NDST4: variants seen among roughly 807,000 people sequenced by gnomAD.
NDST4 encodes N-deacetylase and N-sulfotransferase 4, also known as N-heparan sulfate sulfotransferase 4.
In NDST4, 63 loss-of-function variants were observed where a neutral mutation model predicts 100.8. The observed-to-expected ratio is 0.62, with a 90% CI of 0.51 to 0.77. The LOEUF (loss-of-function observed/expected upper bound fraction) is 0.77. Ranked by LOEUF, NDST4 falls within the 30% of genes least tolerant of loss-of-function variation. The pLI is 0.00. For synonymous variants in NDST4, 377 were observed against 361.8 expected (o/e 1.04, Z -0.48); for missense variants, 943 against 1,018.4 (o/e 0.93, Z 1.01).
intron 2 of NDST4, among the ~76,000 whole-genome samples, chr4:114,986,832 A>ATATATATATATATATTTTTTT: frequency 3.1e-4 from 29 of 94,652 alleles, no homozygotes; most frequent in South Asian, 8.6e-4. Context: ...ATATATATAT[A>ATATATATATATATATTTTTTT]TTTTAATATA....
At chr4:115,069,284 GGATA>G (rs1231879790) in intron 2 of NDST4, among the ~76,000 whole-genome samples, 1 of 151,918 alleles carries the variant, frequency 6.6e-6, no homozygotes, top group African/African-American at 2.4e-5. Context: ...GAATTGGGAA[GGATA>G]GATATTGAAA....
chr4:115,046,929 G>A (rs1728474901), intron 2 of NDST4, among the ~76,000 whole-genome samples: 1 of 151,418 alleles, frequency 6.6e-6, no homozygotes, highest in Non-Finnish European at 1.5e-5. Flanking sequence ...TAAATATATT[G>A]CAGATAGCCT....
At position 115,076,878 on chromosome 4, in the gene NDST4, A is replaced by C; in HGVS notation, c.159T>G (p.Thr53=). Residue 53 remains threonine (T), a synonymous_variant, in exon 2 of 14, where the codon ACT becomes ACG. Transcript: ENST00000264363. ...LIETTAEAEC[T]DIKILPYRSM... Reference sequence around the variant, plus strand: ...ACCTATATGGTAGAATTTTGATGTCAGTGCATTCTGCTTCTGCAGTGGTTT... The same window carrying C: ...ACCTATATGGTAGAATTTTGATGTCCGTGCATTCTGCTTCTGCAGTGGTTT... The C allele has an allele frequency of 6.2e-7, 1 of 1,613,860 alleles. No individual in the cohort carries two copies. Among genetic ancestry groups the C allele is most frequent in the South Asian group, 1.1e-5 (1 of 91,082 alleles).
At position 115,076,254 on chromosome 4, in the gene NDST4, C is replaced by A; in HGVS notation, c.783G>T (p.Gly261=). 6.2e-7 allele frequency: 1 copy of A among 1,613,960 alleles called. No individual in the cohort carries two copies. Among genetic ancestry groups the A allele is most frequent in the Non-Finnish European group, 8.5e-7 (1 of 1,179,926 alleles). The change falls in exon 2 of 14, where the codon GGG becomes GGT. Residue 261 remains glycine (G), a synonymous_variant. Coordinates refer to ENST00000264363, the MANE Select transcript of NDST4 (RefSeq NM_022569.3). ...GTACTCTCTGAATTCCATCATGAAG[C>A]CCCAGATCCTGAATCACCGTTGCAA... is the stretch of plus-strand genomic sequence containing the variant. The part of the protein sequence containing the change: ...TLFATVIQDL[G]LHDGIQRVLF...
chr4:115,063,775 T>C (rs1217993556), intron 2 of NDST4, among the ~76,000 whole-genome samples: 1 of 152,002 alleles, frequency 6.6e-6, no homozygotes, highest in Admixed American at 6.6e-5. Context: ...TAAGGACTCT[T>C]ATAAAAGATT....
chr4:115,085,561 C>T (rs1302594249), intron 1 of NDST4, among the ~76,000 whole-genome samples: 2 of 152,152 alleles, frequency 1.3e-5, no homozygotes, highest in Non-Finnish European at 2.9e-5. Flanking sequence ...AGGGTGGTTA[C>T]CCCCATGCTG....
intron 2 of NDST4, among the ~76,000 whole-genome samples, chr4:115,027,923 C>T (rs1393339292): frequency 6.6e-6 from 1 of 151,910 alleles, no homozygotes; most frequent in African/African-American, 2.4e-5. Context: ...CGTGGTGGTG[C>T]ATGCCTATAA....
At position 115,006,422 on chromosome 4, in the gene NDST4, A is replaced by T. The variant is rs544916328; in HGVS notation, c.979-29148T>A. 2.7e-3 allele frequency among the ~76,000 whole-genome samples: 414 copies of T among 152,288 alleles called. 1 individual carries two copies. Among genetic ancestry groups the T allele is most frequent in the African/African-American group, 7.9e-3 (330 of 41,576 alleles). On this transcript the variant is annotated intron_variant, in intron 2 of 13. Transcript: ENST00000264363. ...AATCCTATAACTATAAAAATAATTT[A>T]AAAAAACTGGACTTGGGAAAAAAGG...
chr4:114,993,564 T>C (rs1727096488), intron 2 of NDST4, among the ~76,000 whole-genome samples: 1 of 152,020 alleles, frequency 6.6e-6, no homozygotes, highest in African/African-American at 2.4e-5. Flanking sequence ...GGAGAATATA[T>C]GTTTTCCTTA....
intron 4 of NDST4, among the ~76,000 whole-genome samples, chr4:114,952,826 C>G (rs558520834): frequency 4.6e-4 from 70 of 151,848 alleles, no homozygotes; most frequent in Non-Finnish European, 7.7e-4. Flanking sequence ...AATCATTATG[C>G]CATTTACACA....
chr4:114,873,721 A>G (rs561497646), intron 6 of NDST4, among the ~76,000 whole-genome samples: 2 of 152,204 alleles, frequency 1.3e-5, no homozygotes, highest in South Asian at 4.2e-4. Flanking sequence ...ATTCGATCCC[A>G]ATAAGTATGC....
intron 2 of NDST4, among the ~76,000 whole-genome samples, chr4:115,017,700 T>G (rs1304868846): frequency 6.6e-6 from 1 of 152,006 alleles, no homozygotes; most frequent in Non-Finnish European, 1.5e-5. Context: ...AGTGTTACAA[T>G]GTGCTAGGTA....
At chr4:115,020,148 T>A (rs1487438385) in intron 2 of NDST4, among the ~76,000 whole-genome samples, 1 of 152,164 alleles carries the variant, frequency 6.6e-6, no homozygotes, top group Non-Finnish European at 1.5e-5. Flanking sequence ...ATTCTGGCGA[T>A]GGCTCAGAAG....
intron 6 of NDST4, among the ~76,000 whole-genome samples, chr4:114,909,685 A>G (rs993556112): frequency 6.6e-6 from 1 of 151,062 alleles, no homozygotes; most frequent in Admixed American, 6.6e-5. Flanking sequence ...AAAAAAAAAA[A>G]AAAAGAAAGC....
chr4:115,107,173 A>C (rs972982743), intron 1 of NDST4, among the ~76,000 whole-genome samples: 4 of 152,058 alleles, frequency 2.6e-5, no homozygotes, highest in Non-Finnish European at 5.9e-5. Context: ...AATAAAATTA[A>C]AGAAGGAAAT....
intron 2 of NDST4, among the ~76,000 whole-genome samples, chr4:114,978,365 C>T (rs2126244742): frequency 6.6e-6 from 1 of 151,868 alleles, no homozygotes; most frequent in Non-Finnish European, 1.5e-5. Context: ...AAGGAGTCTC[C>T]TGTACATTAG....
chr4:114,945,763 T>C (rs1046376111), intron 4 of NDST4, among the ~76,000 whole-genome samples: 10 of 152,178 alleles, frequency 6.6e-5, no homozygotes, highest in Non-Finnish European at 1.5e-5. Context: ...ATTCATATTG[T>C]CAACTTTGAA....
At chr4:115,034,224 G>A (rs1552025) in intron 2 of NDST4, among the ~76,000 whole-genome samples, 36,693 of 151,906 alleles carry the variant, frequency 0.24, 6,084 homozygotes, top group African/African-American at 0.45. Flanking sequence ...GAAGGCACCA[G>A]TGGAAATACA....
chr4:114,884,263 G>T (rs1371853204), intron 6 of NDST4, among the ~76,000 whole-genome samples: 1 of 152,048 alleles, frequency 6.6e-6, no homozygotes, highest in Non-Finnish European at 1.5e-5. Flanking sequence ...ATGCATGTGT[G>T]CTCACATATC....
Sources: allele counts gnomAD v4.1 joint callset (sites outside exome capture counted in the v4.1 genomes callset), GRCh38; gene constraint gnomAD v4.1.1; transcripts MANE v1.5; gene names NCBI Gene and HGNC (gene_info 2026-07-23, HGNC 2026-07-21).